CSMD1: variants seen among roughly 807,000 people sequenced by gnomAD.
CSMD1 encodes CUB and sushi domain-containing protein 1.
In CSMD1, 213 loss-of-function variants were observed where a neutral mutation model predicts 417.5. The ratio of observed to expected loss-of-function variants is 0.51; its 90% confidence interval spans 0.46 to 0.57. The LOEUF (loss-of-function observed/expected upper bound fraction) is 0.57. Ranked by LOEUF, CSMD1 falls within the 20% of genes least tolerant of loss-of-function variation. The pLI is 0.00. For synonymous variants in CSMD1, 2,862 were observed against 1,736.8 expected (o/e 1.65, Z -16.11); for missense variants, 6,923 against 4,529.7 (o/e 1.53, Z -15.17).
intron 4 of CSMD1, among the ~76,000 whole-genome samples, chr8:4,003,762 G>A (rs17063183): frequency 2.0e-5 from 3 of 151,936 alleles, no homozygotes; most frequent in African/African-American, 4.8e-5. Flanking sequence ...GCTCATATAC[G>A]CCGGCAAATT....
intron 2 of CSMD1, among the ~76,000 whole-genome samples, chr8:4,503,567 A>G (rs1658827): frequency 0.18 from 27,237 of 151,998 alleles, 2,629 homozygotes; most frequent in African/African-American, 0.26. Context: ...GGATTGGTAT[A>G]TGATAAACAT....
intron 2 of CSMD1, among the ~76,000 whole-genome samples, chr8:4,588,455 G>A (rs780160386): frequency 2.7e-4 from 41 of 151,608 alleles, no homozygotes; most frequent in Non-Finnish European, 5.0e-4. Flanking sequence ...TGTCCTCTCT[G>A]CACTGTATTT....
intron 15 of CSMD1, among the ~76,000 whole-genome samples, chr8:3,404,098 G>A (rs1410071449): frequency 6.6e-6 from 1 of 152,146 alleles, no homozygotes; most frequent in African/African-American, 2.4e-5. Context: ...GACCTGGTTA[G>A]AAGTTTCTAC....
intron 1 of CSMD1, among the ~76,000 whole-genome samples, chr8:4,730,727 C>A (rs1163264024): frequency 6.7e-6 from 1 of 149,600 alleles, no homozygotes; most frequent in Non-Finnish European, 1.5e-5. Flanking sequence ...GGCGACAGAG[C>A]GAGACTCCAT....
chr8:3,428,177 G>A (rs552678626), intron 12 of CSMD1, among the ~76,000 whole-genome samples: 1 of 152,084 alleles, frequency 6.6e-6, no homozygotes, highest in Non-Finnish European at 1.5e-5. Flanking sequence ...CTATATGGTT[G>A]GGGACCTAAA....
At chr8:3,432,221 CTA>C (rs1814262388) in intron 12 of CSMD1, among the ~76,000 whole-genome samples, 1 of 151,744 alleles carries the variant, frequency 6.6e-6, no homozygotes. Flanking sequence ...CTGAATATGA[CTA>C]TGGAAAAATA....
chr8:4,754,865 G>T (rs563252654), intron 1 of CSMD1, among the ~76,000 whole-genome samples: 1 of 151,288 alleles, frequency 6.6e-6, no homozygotes, highest in African/African-American at 2.4e-5. Context: ...TCGGATGAGT[G>T]TGGTGGTTCA....
intron 3 of CSMD1, among the ~76,000 whole-genome samples, chr8:4,238,884 A>G (rs560240340): frequency 4.6e-5 from 7 of 152,150 alleles, no homozygotes; most frequent in Non-Finnish European, 8.8e-5. Flanking sequence ...TTTTTAGCAA[A>G]TGCTTTTTTG....
chr8:4,488,400 G>A (rs1360861968), intron 2 of CSMD1, among the ~76,000 whole-genome samples: 1 of 152,030 alleles, frequency 6.6e-6, no homozygotes, highest in Non-Finnish European at 1.5e-5. Context: ...AACCTGTGGG[G>A]GGCTTGATCT....
At chr8:4,119,755 C>G (rs529597987) in intron 3 of CSMD1, among the ~76,000 whole-genome samples, 1 of 152,174 alleles carries the variant, frequency 6.6e-6, no homozygotes, top group African/African-American at 2.4e-5. Flanking sequence ...AAATGAACAT[C>G]CATGGCATTT....
intron 26 of CSMD1, among the ~76,000 whole-genome samples, chr8:3,233,860 CT>C (rs34348345): frequency 0.42 from 64,324 of 151,766 alleles, 13,801 homozygotes; most frequent in South Asian, 0.54. Context: ...AGAAAACCTC[CT>C]TTTTTCAAAA....
At chr8:3,266,604 CAAAAAAAAAA>C (rs60439183) in intron 26 of CSMD1, among the ~76,000 whole-genome samples, 2 of 25,500 alleles carry the variant, frequency 7.8e-5, no homozygotes, top group African/African-American at 1.9e-4. Flanking sequence ...GACTCCCTCT[CAAAAAAAAAA>C]AAAAAAAAAA....
intron 51 of CSMD1, among the ~76,000 whole-genome samples, chr8:3,028,420 G>A (rs990469373): frequency 2.0e-5 from 3 of 152,120 alleles, no homozygotes; most frequent in Admixed American, 6.5e-5. Context: ...CCAGGACACC[G>A]TTCAGAGTGA....
intron 7 of CSMD1, among the ~76,000 whole-genome samples, chr8:3,649,566 T>C (rs1797740067): frequency 6.6e-6 from 1 of 152,084 alleles, no homozygotes. Flanking sequence ...AGAAGTGCTG[T>C]GCAAAGTGGG....
At chr8:3,723,321 G>A (rs1486729772) in intron 6 of CSMD1, among the ~76,000 whole-genome samples, 1 of 152,066 alleles carries the variant, frequency 6.6e-6, no homozygotes, top group Non-Finnish European at 1.5e-5. Context: ...CCTTTTAAGG[G>A]CTCATTTGAT....
At chr8:4,529,377 T>C (rs367791311) in intron 2 of CSMD1, among the ~76,000 whole-genome samples, 6 of 152,224 alleles carry the variant, frequency 3.9e-5, no homozygotes, top group Admixed American at 2.6e-4. Flanking sequence ...TGCTCAAATG[T>C]AAATCAATAC....
intron 3 of CSMD1, among the ~76,000 whole-genome samples, chr8:4,179,472 A>G (rs953139414): frequency 6.6e-6 from 1 of 151,570 alleles, no homozygotes. Context: ...AACCATAAAA[A>G]CCCTAGAAGA....
At chr8:3,248,335 C>T (rs548202781) in intron 26 of CSMD1, among the ~76,000 whole-genome samples, 1 of 151,960 alleles carries the variant, frequency 6.6e-6, no homozygotes, top group Non-Finnish European at 1.5e-5. Context: ...ATGAACAGCA[C>T]CCATGTTTAC....
At position 4,191,353 on chromosome 8, in the gene CSMD1, G is replaced by A. The variant is rs187461177; in HGVS notation, c.416-159254C>T. Among the ~76,000 whole-genome samples the A allele has an allele frequency of 5.9e-5, 9 of 152,148 alleles. No individual in the cohort carries two copies. The East Asian group carries it at 7.7e-4, about 13-fold the overall frequency. ...AGAGCCTGCAGTGAGCAGAGATCGC[G>A]CCACTGCACTCCAGCCTGGGCAACA... On this transcript the variant is annotated intron_variant, in intron 3 of 69. Coordinates refer to ENST00000635120, the MANE Select transcript of CSMD1 (RefSeq NM_033225.6).
Sources: gnomAD v4.1 joint callset for allele counts (sites outside exome capture counted in the v4.1 genomes callset) on GRCh38, gnomAD v4.1.1 for gene constraint, MANE v1.5 for transcripts, NCBI Gene and HGNC (gene_info 2026-07-23, HGNC 2026-07-21) for gene names.